Variants in ATE1 observed in about 807,000 individuals in gnomAD.
The protein encoded by ATE1 is arginyl-tRNA--protein transferase 1.
ATE1 carries 36 observed loss-of-function variants against 70.5 expected under a neutral mutation model. The ratio of observed to expected loss-of-function variants is 0.51; its 90% CI spans 0.39 to 0.67. The LOEUF is 0.67. Among genes scored for constraint, ATE1 ranks in the 30% least tolerant of loss-of-function variants. The probability of loss-of-function intolerance (pLI) is 0.00; values close to 1 mark genes in which losing one functional copy is unlikely to be tolerated. For missense variants in ATE1, 593 were observed against 629.5 expected, an observed-to-expected ratio of 0.94 and a Z score of 0.62; for synonymous variants, 232 against 219.3, an observed-to-expected ratio of 1.06 and a Z score of -0.51.
chr10:121,846,197 T>C (rs752112587), intron 8 of ATE1, among the ~76,000 whole-genome samples: 6 of 150,020 alleles, frequency 4.0e-5, no homozygotes, highest in South Asian at 2.1e-4. Context: ...CAGAAGTCTA[T>C]TGAAAGAGCA....
At chr10:121,902,875 C>CT (rs1032056871) in intron 5 of ATE1, among the ~76,000 whole-genome samples, 5 of 151,390 alleles carry the variant, frequency 3.3e-5, no homozygotes, top group South Asian at 2.1e-4. Context: ...TCTTTTTTTT[C>CT]TTTTTTTTGA....
At chr10:121,782,844 A>G (rs1407881358) in intron 11 of ATE1, 1 of 152,224 alleles carries the variant, frequency 6.6e-6, no homozygotes, top group African/African-American at 2.4e-5. Flanking sequence ...CTAGCCTCCC[A>G]TTCTACATCT....
chr10:121,790,351 G>A, intron 10 of ATE1, 62 bp from the exon 11 acceptor site: 1 of 1,581,670 alleles, frequency 6.3e-7, no homozygotes, highest in Non-Finnish European at 8.6e-7. Flanking sequence ...AGAGATAAAG[G>A]GATGAGGGCT....
intron 7 of ATE1, among the ~76,000 whole-genome samples, chr10:121,883,633 T>TTTTGGGAACA (rs1404446417): frequency 2.6e-5 from 4 of 152,136 alleles, no homozygotes; most frequent in Non-Finnish European, 5.9e-5. Context: ...ACACAAGACA[T>TTTTGGGAACA]TTTGGGAACA....
At position 121,741,696 on chromosome 10, in the gene ATE1, CAG is replaced by C. The variant is rs1238787382; in HGVS notation, c.*1982_*1983del. 1.3e-5 allele frequency: 2 copies of C among 152,180 alleles called. No homozygotes were observed. The highest frequency in any genetic ancestry group is 4.8e-5 in the African/African-American group (2 of 41,434). 9.4% of individuals were successfully genotyped at this position (152,180 alleles called of 1,614,324 possible). On this transcript the variant is annotated 3_prime_UTR_variant, in exon 12 of 12. Transcript: ENST00000224652. ...CCTACCCTGCTTATTTTTAATAATG[CAG>C]AGATTACTTACTACACTTTCTGAAG...
intron 7 of ATE1, among the ~76,000 whole-genome samples, chr10:121,877,627 G>A (rs1343696900): frequency 6.6e-6 from 1 of 152,024 alleles, no homozygotes; most frequent in Admixed American, 6.5e-5. Context: ...TTAACAAAAC[G>A]GAGCATATTC....
At chr10:121,759,547 C>A (rs921777732) in intron 11 of ATE1, among the ~76,000 whole-genome samples, 2 of 151,936 alleles carry the variant, frequency 1.3e-5, no homozygotes, top group African/African-American at 4.8e-5. Flanking sequence ...CACGGTGAAA[C>A]CCTGTCTCTA....
chr10:121,753,059 T>C (rs1252694318), intron 11 of ATE1, among the ~76,000 whole-genome samples: 5 of 152,270 alleles, frequency 3.3e-5, no homozygotes, highest in African/African-American at 9.6e-5. Flanking sequence ...AATTTTTGCA[T>C]TGCTCTGTTA....
At chr10:121,884,071 A>G (rs1590623414) in intron 7 of ATE1, among the ~76,000 whole-genome samples, 1 of 119,630 alleles carries the variant, frequency 8.4e-6, no homozygotes, top group East Asian at 2.8e-4. Flanking sequence ...GCACCACTGC[A>G]CTCCAGTCTG....
At chr10:121,778,637 A>G (rs10886982) in intron 11 of ATE1, among the ~76,000 whole-genome samples, 1 of 147,194 alleles carries the variant, frequency 6.8e-6, no homozygotes, top group Non-Finnish European at 1.5e-5. Context: ...AGTTGATCTC[A>G]CTCTCTGGGC....
chr10:121,872,454 G>A (rs1041459638), intron 7 of ATE1, among the ~76,000 whole-genome samples: 8 of 152,022 alleles, frequency 5.3e-5, no homozygotes, highest in African/African-American at 1.4e-4. Context: ...CTATTCCCAC[G>A]ACATGAAAAA....
chr10:121,778,954 GTCT>G (rs774362107), intron 11 of ATE1, among the ~76,000 whole-genome samples: 61 of 152,034 alleles, frequency 4.0e-4, no homozygotes, highest in Non-Finnish European at 2.5e-4. Context: ...GGCTGCCTCA[GTCT>G]TCTTCAATGA....
At chr10:121,776,941 T>A (rs879527131) in intron 11 of ATE1, among the ~76,000 whole-genome samples, 1 of 152,204 alleles carries the variant, frequency 6.6e-6, no homozygotes, top group Admixed American at 6.5e-5. Context: ...TGAGCACAGT[T>A]ATGGAAAACA....
At chr10:121,887,266 T>G (rs967202104) in intron 7 of ATE1, among the ~76,000 whole-genome samples, 15 of 152,176 alleles carry the variant, frequency 9.9e-5, no homozygotes, top group African/African-American at 3.6e-4. Context: ...AATGGACTCA[T>G]CACGACCTTT....
At position 121,927,753 on chromosome 10, in the gene ATE1, G is replaced by T. The variant is rs1952158616; in HGVS notation, c.106+91C>A. ...CTCGGCCGTGGCACTGGGGCCAGGG[G>T]CTCCGGCCCCCTCGCGTCCTCGCTG... On this transcript the variant is annotated intron_variant, in intron 1 of 11. Transcript: ENST00000224652. The T allele has an allele frequency of 6.3e-6, 9 of 1,427,474 alleles. No individual in the cohort carries two copies. The South Asian group carries it at 1.0e-4, about 16-fold the overall frequency. 88.4% of individuals were successfully genotyped at this position (1,427,474 alleles called of 1,614,324 possible). A position where few individuals can be genotyped will look rare whatever the true frequency, so the allele number is the denominator to read the frequency against.
At chr10:121,747,878 T>G (rs1382683582) in intron 11 of ATE1, among the ~76,000 whole-genome samples, 2 of 152,230 alleles carry the variant, frequency 1.3e-5, no homozygotes, top group Non-Finnish European at 2.9e-5. Flanking sequence ...GGCAATACTT[T>G]GATTCCTGCT....
chr10:121,809,423 C>A (rs1340719271), intron 10 of ATE1, among the ~76,000 whole-genome samples: 1 of 152,086 alleles, frequency 6.6e-6, no homozygotes, highest in African/African-American at 2.4e-5. Context: ...AGCACAAGCA[C>A]TTTACATATA....
intron 11 of ATE1, among the ~76,000 whole-genome samples, chr10:121,766,241 C>T (rs150932422): frequency 6.1e-3 from 927 of 152,176 alleles, no homozygotes; most frequent in South Asian, 0.015. Flanking sequence ...TAACTATCTG[C>T]GACATGCTTA....
At chr10:121,847,807 C>T (rs910339300) in intron 8 of ATE1, among the ~76,000 whole-genome samples, 14 of 148,304 alleles carry the variant, frequency 9.4e-5, no homozygotes, top group South Asian at 6.5e-4. Flanking sequence ...CGTGGTGGCT[C>T]ACACCTGTAA....
Sources: gnomAD v4.1 joint callset for allele counts (sites outside exome capture counted in the v4.1 genomes callset) on GRCh38, gnomAD v4.1.1 for gene constraint, MANE v1.5 for transcripts, NCBI Gene and HGNC (gene_info 2026-07-23, HGNC 2026-07-21) for gene names.